The following CEP120 variants were observed in gnomAD, a reference collection of about 807,000 sequenced individuals.
CEP120 encodes centrosomal protein 120.
Under a neutral mutation model 126.5 loss-of-function variants are expected in CEP120, and 113 were observed. The ratio of observed to expected loss-of-function variants is 0.89; its 90% CI spans 0.77 to 1.04. The LOEUF is 1.04. Among genes scored for constraint, CEP120 ranks in the 50% least tolerant of loss-of-function variants. The probability of loss-of-function intolerance (pLI) is 0.00; values close to 1 mark genes in which losing one functional copy is unlikely to be tolerated. For synonymous variants in CEP120, 400 were observed against 394.3 expected (o/e 1.01, Z -0.17); for missense variants, 1,230 against 1,155.7 (o/e 1.06, Z -0.93).
Position 123,390,099 on chromosome 5 carries a change from C to T in CEP120, c.1080G>A (p.Glu360=). 1 of 1,614,012 alleles carries T rather than the reference C, an allele frequency of 6.2e-7. No individual in the cohort carries two copies. The highest frequency in any genetic ancestry group is 8.5e-7 in the Non-Finnish European group (1 of 1,179,932). Residue 360 remains glutamate (E), a synonymous_variant, in exon 8 of 20, where the codon GAG becomes GAA. Coordinates refer to ENST00000306467, the MANE Select transcript of CEP120 (RefSeq NM_001375405.1). ...GGGTTAAAACTTTCTTCTTTGAATG[C>T]TCTGGCTCATGTTCATTCTGGGTCT... ...ELKTQNEHEP[E]HSKKKVLTPI...
At chr5:123,369,531 C>T in intron 17 of CEP120, among the ~76,000 whole-genome samples, 1 of 152,012 alleles carries the variant, frequency 6.6e-6, no homozygotes, top group East Asian at 1.9e-4. Flanking sequence ...CTCCTTCCCT[C>T]ATGCTCTAGG....
At chr5:123,382,031 A>G in intron 14 of CEP120, 80 bp downstream of exon 14, 1 of 983,650 alleles carries the variant, frequency 1.0e-6, no homozygotes, top group Non-Finnish European at 1.5e-6. Context: ...TATTCCTTCC[A>G]GAGACTGTCT....
At chr5:123,411,698 A>C (rs561955887) in intron 4 of CEP120, among the ~76,000 whole-genome samples, 1 of 152,216 alleles carries the variant, frequency 6.6e-6, no homozygotes, top group Non-Finnish European at 1.5e-5. Context: ...GGAGGGAGGA[A>C]TGAATAGGTG....
intron 10 of CEP120, 81 bp from the exon 11 acceptor site, chr5:123,385,214 C>A: frequency 1.7e-6 from 2 of 1,149,758 alleles, no homozygotes; most frequent in South Asian, 1.7e-5. Context: ...TGAATTCCCT[C>A]AATGGAGTCA....
At chr5:123,386,805 T>C (rs1243248982) in intron 9 of CEP120, 138 bp from the exon 10 acceptor site, 5 of 609,580 alleles carry the variant, frequency 8.2e-6, no homozygotes, top group African/African-American at 5.8e-5. Context: ...ATGGTAGACA[T>C]AGCAATCTGT....
chr5:123,392,457 T>C (rs918830968), intron 6 of CEP120, among the ~76,000 whole-genome samples: 2 of 152,202 alleles, frequency 1.3e-5, no homozygotes, highest in Non-Finnish European at 1.5e-5. Flanking sequence ...CTATTTCAGT[T>C]TGATCAAAAG....
Position 123,377,357 on chromosome 5 carries a change from C to T in CEP120, c.2358+17G>A. On this transcript the variant is annotated intron_variant, in intron 16 of 19. Coordinates refer to ENST00000306467, the MANE Select transcript of CEP120 (RefSeq NM_001375405.1). ...AAATAAACTAAGCATAAAAAGATGA[C>T]AAGTACGTTATCCAACCTGTTGCTG... The T allele has an allele frequency of 6.3e-7, 1 of 1,599,346 alleles. No individual in the cohort carries two copies. Among genetic ancestry groups the T allele is most frequent in the Non-Finnish European group, 8.5e-7 (1 of 1,175,914 alleles).
At chr5:123,399,499 C>A (rs1773031497) in intron 4 of CEP120, among the ~76,000 whole-genome samples, 1 of 152,126 alleles carries the variant, frequency 6.6e-6, no homozygotes. Flanking sequence ...TCTGGAGTAA[C>A]ATTTTTAAAA....
At position 123,376,070 on chromosome 5, in the gene CEP120, A is replaced by G. The variant is rs557300277; in HGVS notation, c.2358+1304T>C. Among the ~76,000 whole-genome samples the G allele has an allele frequency of 3.2e-3, 488 of 152,066 alleles. 5 individuals are homozygous for G. The South Asian group carries it at 0.035, about 11-fold the overall frequency. Reference sequence around the variant, plus strand: ...TGGCCTGGACTCCTGGGATACAGCTATAAACCAGAACAGTTTTTATGGAGC... The same window carrying G: ...TGGCCTGGACTCCTGGGATACAGCTGTAAACCAGAACAGTTTTTATGGAGC... On this transcript the variant is annotated intron_variant, in intron 16 of 19. Coordinates refer to ENST00000306467, the MANE Select transcript of CEP120 (RefSeq NM_001375405.1).
chr5:123,364,457 G>A (rs1390177347), intron 18 of CEP120, 39 bp downstream of exon 18: 3 of 1,377,660 alleles, frequency 2.2e-6, no homozygotes, highest in Non-Finnish European at 3.0e-6. Context: ...AAGAAACAAG[G>A]GAAAAAGATA....
chr5:123,358,658 T>C (rs896612101), intron 18 of CEP120, among the ~76,000 whole-genome samples: 6 of 151,318 alleles, frequency 4.0e-5, no homozygotes, highest in Non-Finnish European at 8.8e-5. Flanking sequence ...TTTAAATGCT[T>C]TGAATTTTTA....
At chr5:123,365,966 G>A (rs888944863) in intron 17 of CEP120, among the ~76,000 whole-genome samples, 23 of 151,334 alleles carry the variant, frequency 1.5e-4, no homozygotes, top group African/African-American at 5.6e-4. Context: ...GGTTATATCT[G>A]TTCTGCCATA....
chr5:123,388,705 G>T, intron 8 of CEP120, 99 bp from the exon 9 acceptor site: 1 of 936,396 alleles, frequency 1.1e-6, no homozygotes, highest in Non-Finnish European at 1.5e-6. Flanking sequence ...TTACCTTTAA[G>T]CAGGAATTGG....
chr5:123,368,277 A>G (rs1580657473), intron 17 of CEP120, among the ~76,000 whole-genome samples: 1 of 152,082 alleles, frequency 6.6e-6, no homozygotes, highest in East Asian at 1.9e-4. Flanking sequence ...CTGGTCTTTA[A>G]ATTTCCCCAG....
At position 123,412,523 on chromosome 5, in the gene CEP120, C is replaced by G; in HGVS notation, c.339G>C (p.Gln113His). 2 of 1,601,562 alleles carry G rather than the reference C, an allele frequency of 1.2e-6. No homozygotes were observed. ...ATTTGGTGTATTTATTACTCAGCAA[C>G]TGGTACCATTTTGGTGCCTAGAGAA... ...QETKQAPKWY[Q>H]LLSNKYTKFK... Residue 113 changes from glutamine (Q) to histidine (H), a missense_variant, in exon 4 of 20, where the codon CAG becomes CAC. Gln to His is a conservative substitution (Grantham distance 24, BLOSUM62 0). Transcript: ENST00000306467.
At chr5:123,402,538 A>T (rs1580721469) in intron 4 of CEP120, among the ~76,000 whole-genome samples, 1 of 152,114 alleles carries the variant, frequency 6.6e-6, no homozygotes, top group East Asian at 1.9e-4. Context: ...CCGCCTCCTG[A>T]GTAGCTGGGA....
intron 19 of CEP120, among the ~76,000 whole-genome samples, chr5:123,347,127 A>G (rs906631196): frequency 1.3e-5 from 2 of 152,218 alleles, no homozygotes; most frequent in African/African-American, 4.8e-5. Flanking sequence ...TGTACTTAAA[A>G]TATGTATTTT....
At chr5:123,352,119 T>G (rs537565188) in intron 18 of CEP120, among the ~76,000 whole-genome samples, 4 of 152,140 alleles carry the variant, frequency 2.6e-5, no homozygotes, top group Non-Finnish European at 4.4e-5. Context: ...AAGTTCCTAT[T>G]TAAGCTTTTG....
intron 18 of CEP120, among the ~76,000 whole-genome samples, chr5:123,364,186 C>A (rs1211316319): frequency 4.0e-5 from 6 of 151,442 alleles, no homozygotes; most frequent in Admixed American, 6.6e-5. Context: ...AAAGCACTCC[C>A]AGTGGAAAGT....
Sources: allele counts gnomAD v4.1 joint callset (sites outside exome capture counted in the v4.1 genomes callset), GRCh38; gene constraint gnomAD v4.1.1; transcripts MANE v1.5; gene names NCBI Gene and HGNC (gene_info 2026-07-23, HGNC 2026-07-21).